The following MACROD2 variants were observed in gnomAD, a reference collection of about 807,000 sequenced individuals.
MACROD2 encodes ADP-ribose glycohydrolase MACROD2.
MACROD2 carries 36 observed loss-of-function variants against 70.4 expected under a neutral mutation model. The observed-to-expected ratio is 0.51, with a 90% CI of 0.39 to 0.68. The LOEUF (loss-of-function observed/expected upper bound fraction) is 0.68, where lower values mean the gene tolerates loss of function less well. MACROD2 is among the 30% of genes least tolerant of loss of function. MACROD2 has a pLI of 0.00. For missense variants in MACROD2, 496 were observed against 538.4 expected, an observed-to-expected ratio of 0.92 and a Z score of 0.78; for synonymous variants, 172 against 178.8, an observed-to-expected ratio of 0.96 and a Z score of 0.30.
In MACROD2 at chr20:14,326,381, G is replaced by C; in HGVS notation, c.272-167098G>C. On this transcript the variant is annotated intron_variant, in intron 3 of 17. Coordinates refer to ENST00000684519, the MANE Select transcript of MACROD2 (RefSeq NM_001351661.2). The surrounding 1 kb of genome is among the most constrained non-coding windows in gnomAD (Gnocchi z 5.5). ...GGAGCTGGCCACTGTCCTTGGGCAG[G>C]ATACACTGTGTTGGGTATTGCAGTG... 1 of 1,613,924 alleles carries C rather than the reference G, an allele frequency of 6.2e-7. No homozygotes were observed. The highest frequency in any genetic ancestry group is 8.5e-7 in the Non-Finnish European group (1 of 1,179,874).
intron 3 of MACROD2, among the ~76,000 whole-genome samples, chr20:14,284,707 C>T (rs2082330608): frequency 1.3e-5 from 2 of 152,274 alleles, no homozygotes; most frequent in South Asian, 2.1e-4. Flanking sequence ...TTCTAAAGGC[C>T]TGTAGCAATC....
intron 5 of MACROD2, among the ~76,000 whole-genome samples, chr20:14,992,863 A>G (rs1396463236): frequency 6.6e-6 from 1 of 152,182 alleles, no homozygotes; most frequent in African/African-American, 2.4e-5. Flanking sequence ...TACTGCTGGA[A>G]AGCAAGAACC....
intron 5 of MACROD2, among the ~76,000 whole-genome samples, chr20:15,142,404 A>G (rs1038206972): frequency 2.0e-5 from 3 of 152,212 alleles, no homozygotes; most frequent in African/African-American, 7.2e-5. Context: ...CATTTAAAAG[A>G]AAAATATTTG....
At chr20:15,769,994 C>G (rs976635427) in intron 8 of MACROD2, among the ~76,000 whole-genome samples, 1 of 151,908 alleles carries the variant, frequency 6.6e-6, no homozygotes, top group African/African-American at 2.4e-5. Context: ...GTGCGCCCCC[C>G]CACACATAAT....
intron 5 of MACROD2, among the ~76,000 whole-genome samples, chr20:15,088,794 G>A (rs1198963950): frequency 6.6e-6 from 1 of 151,840 alleles, no homozygotes; most frequent in Non-Finnish European, 1.5e-5. Flanking sequence ...TATGTGCACA[G>A]TACAGGTCTG....
At chr20:15,821,118 T>C (rs570124918) in intron 8 of MACROD2, among the ~76,000 whole-genome samples, 1 of 152,218 alleles carries the variant, frequency 6.6e-6, no homozygotes, top group Admixed American at 6.5e-5. Context: ...TGACCATAAA[T>C]TCTTAATTTT....
intron 5 of MACROD2, among the ~76,000 whole-genome samples, chr20:14,827,276 C>T (rs2072912383): frequency 6.6e-6 from 1 of 152,104 alleles, no homozygotes; most frequent in African/African-American, 2.4e-5. Context: ...TGTCAATCTA[C>T]ACAGTAGTTA....
intron 2 of MACROD2, among the ~76,000 whole-genome samples, chr20:14,022,416 T>C (rs2053097343): frequency 6.6e-6 from 1 of 151,928 alleles, no homozygotes; most frequent in Non-Finnish European, 1.5e-5. Flanking sequence ...ATTCCTAAAA[T>C]GTCTTTGTAC....
intron 10 of MACROD2, among the ~76,000 whole-genome samples, chr20:15,916,106 A>G (rs1179503917): frequency 6.6e-6 from 1 of 152,182 alleles, no homozygotes; most frequent in Non-Finnish European, 1.5e-5. Flanking sequence ...AAGGTGGGAT[A>G]TATCTGTGTA....
At chr20:14,349,557 AACAT>A (rs2083099888) in intron 3 of MACROD2, among the ~76,000 whole-genome samples, 1 of 125,186 alleles carries the variant, frequency 8.0e-6, no homozygotes, top group Non-Finnish European at 1.9e-5. Context: ...ATTATATATT[AACAT>A]TATATATATA....
intron 6 of MACROD2, among the ~76,000 whole-genome samples, chr20:15,233,339 G>A (rs1250931974): frequency 1.3e-5 from 2 of 152,098 alleles, no homozygotes; most frequent in Admixed American, 6.6e-5. Flanking sequence ...GAGCACCTTA[G>A]CCTGGGGGAG....
intron 12 of MACROD2, among the ~76,000 whole-genome samples, chr20:15,962,636 A>C (rs1015223900): frequency 6.6e-6 from 1 of 152,206 alleles, no homozygotes; most frequent in Non-Finnish European, 1.5e-5. Context: ...GATGATCCCT[A>C]ATTTGAAAAT....
At chr20:15,101,649 C>T (rs564161715) in intron 5 of MACROD2, among the ~76,000 whole-genome samples, 59 of 151,426 alleles carry the variant, frequency 3.9e-4, no homozygotes, top group African/African-American at 1.4e-3. Flanking sequence ...AGCAGGAAAT[C>T]CCCAACTCTG....
intron 8 of MACROD2, among the ~76,000 whole-genome samples, chr20:15,764,288 CTG>C (rs1192547376): frequency 6.6e-6 from 1 of 152,202 alleles, no homozygotes; most frequent in African/African-American, 2.4e-5. Context: ...AAGATGAACA[CTG>C]TCACATATCA....
chr20:15,447,301 G>A (rs1388432089), intron 7 of MACROD2, among the ~76,000 whole-genome samples: 2 of 152,186 alleles, frequency 1.3e-5, no homozygotes, highest in Non-Finnish European at 2.9e-5. Flanking sequence ...GGAAGGCAGA[G>A]CCTGGCTAGC....
At chr20:15,259,438 A>G (rs2146041648) in intron 6 of MACROD2, among the ~76,000 whole-genome samples, 1 of 152,170 alleles carries the variant, frequency 6.6e-6, no homozygotes, top group South Asian at 2.1e-4. Flanking sequence ...CTTTTGTAAC[A>G]GATATAGCAC....
chr20:15,135,366 A>G (rs1160851014), intron 5 of MACROD2, among the ~76,000 whole-genome samples: 1 of 151,926 alleles, frequency 6.6e-6, no homozygotes, highest in Non-Finnish European at 1.5e-5. Flanking sequence ...CTTATCCACC[A>G]TGATCAAGTG....
At chr20:15,627,511 G>T (rs993895326) in intron 8 of MACROD2, among the ~76,000 whole-genome samples, 1 of 152,100 alleles carries the variant, frequency 6.6e-6, no homozygotes, top group African/African-American at 2.4e-5. Context: ...TTGGGGAAGG[G>T]GGTGGGTGTG....
intron 5 of MACROD2, chr20:14,894,669 A>C (rs1171860947): frequency 6.6e-6 from 1 of 152,076 alleles, no homozygotes; most frequent in Non-Finnish European, 1.5e-5. Context: ...TTTTTCCCCA[A>C]TCTTTTTTTA....
Sources: gnomAD v4.1 joint callset for allele counts (sites outside exome capture counted in the v4.1 genomes callset) on GRCh38, gnomAD v4.1.1 for gene constraint, Gnocchi (gnomAD v3.1) non-coding constraint, MANE v1.5 for transcripts, NCBI Gene and HGNC (gene_info 2026-07-23, HGNC 2026-07-21) for gene names.